The following OSBPL9 variants were observed in gnomAD, a reference collection of about 807,000 sequenced individuals.
OSBPL9 encodes the protein oxysterol-binding protein-related protein 9.
In OSBPL9, 40 loss-of-function variants were observed where a neutral mutation model predicts 106.6. The ratio of observed to expected loss-of-function variants is 0.38; its 90% CI spans 0.29 to 0.49. The LOEUF (loss-of-function observed/expected upper bound fraction) is 0.49. Among genes scored for constraint, OSBPL9 ranks in the 20% least tolerant of loss-of-function variants. The pLI is 0.97. For synonymous variants in OSBPL9, 269 were observed against 295.4 expected, an observed-to-expected ratio of 0.91 and a Z score of 0.92; for missense variants, 609 against 887.2, an observed-to-expected ratio of 0.69 and a Z score of 3.98.
At position 51,772,499 on chromosome 1, in the gene OSBPL9, GA is replaced by G. The variant is rs542891350; in HGVS notation, c.1052-104del. The G allele has an allele frequency of 3.1e-5, 30 of 955,078 alleles. No homozygotes were observed. The African/African-American group carries it at 3.8e-4, about 12-fold the overall frequency. The allele number at this position is 955,078 out of a possible 1,614,324, so 59.2% of individuals were successfully genotyped here. ...CCATTGCACTCCAGCCTGGGCGAAA[GA>G]ATGAGACTCCATCTCAAACAAACAA... On this transcript the variant is annotated intron_variant, in intron 13 of 23. Coordinates refer to ENST00000428468, the MANE Select transcript of OSBPL9 (RefSeq NM_024586.6).
chr1:51,742,712 G>C (rs1047589409), intron 4 of OSBPL9, among the ~76,000 whole-genome samples: 1 of 151,842 alleles, frequency 6.6e-6, no homozygotes, highest in Non-Finnish European at 1.5e-5. Flanking sequence ...CTCCAGCCTG[G>C]GTGACAGAGC....
At chr1:51,764,055 A>C (rs1672072284) in intron 11 of OSBPL9, among the ~76,000 whole-genome samples, 1 of 152,188 alleles carries the variant, frequency 6.6e-6, no homozygotes, top group East Asian at 1.9e-4. Flanking sequence ...GAAAAATTTA[A>C]AATTAAATTC....
intron 2 of OSBPL9, among the ~76,000 whole-genome samples, chr1:51,604,105 C>T (rs1167689639): frequency 6.6e-6 from 1 of 152,162 alleles, no homozygotes; most frequent in Non-Finnish European, 1.5e-5. Context: ...AGAAAGAAAA[C>T]CAAAATCTTC....
intron 3 of OSBPL9, among the ~76,000 whole-genome samples, chr1:51,701,994 T>C (rs1175496968): frequency 1.3e-5 from 2 of 152,250 alleles, no homozygotes; most frequent in Non-Finnish European, 1.5e-5. Flanking sequence ...TTTTTATGGC[T>C]GCATAGTATT....
intron 1 of OSBPL9, among the ~76,000 whole-genome samples, chr1:51,634,086 T>C (rs964349092): frequency 1.3e-5 from 2 of 152,256 alleles, no homozygotes; most frequent in African/African-American, 4.8e-5. Flanking sequence ...TGGGTCTAGC[T>C]GTTGTTCTTG....
chr1:51,665,898 A>C (rs1199908193), intron 2 of OSBPL9, among the ~76,000 whole-genome samples: 1 of 152,152 alleles, frequency 6.6e-6, no homozygotes, highest in Non-Finnish European at 1.5e-5. Context: ...TCTGTCACCC[A>C]GGCTGGAGTG....
At chr1:51,580,935 TATATATATATATATATATA>T (rs1462525412) in intron 1 of OSBPL9, among the ~76,000 whole-genome samples, 854 of 1,786 alleles carry the variant, frequency 0.48, 155 homozygotes, top group African/African-American at 0.52. Context: ...TATATATATA[TATATATATATATATATATA>T]ACTTTTTTGA....
At chr1:51,664,744 T>C (rs1410454783) in intron 2 of OSBPL9, among the ~76,000 whole-genome samples, 1 of 152,116 alleles carries the variant, frequency 6.6e-6, no homozygotes, top group African/African-American at 2.4e-5. Flanking sequence ...CTAATTGTTA[T>C]ATTAGAACTA....
intron 1 of OSBPL9, among the ~76,000 whole-genome samples, chr1:51,637,715 C>T (rs1326434323): frequency 6.6e-6 from 1 of 152,130 alleles, no homozygotes; most frequent in Non-Finnish European, 1.5e-5. Context: ...TAATTCACAA[C>T]AAGAAATATA....
intron 3 of OSBPL9, among the ~76,000 whole-genome samples, chr1:51,687,227 G>A (rs1247004324): frequency 6.6e-6 from 1 of 152,198 alleles, no homozygotes; most frequent in Non-Finnish European, 1.5e-5. Flanking sequence ...AACTGATGGA[G>A]TGCTATTCAG....
At chr1:51,731,180 A>T (rs1477190332) in intron 4 of OSBPL9, among the ~76,000 whole-genome samples, 2 of 152,092 alleles carry the variant, frequency 1.3e-5, no homozygotes, top group African/African-American at 2.4e-5. Flanking sequence ...CTCAGACTGC[A>T]ATCCCAACAC....
intron 3 of OSBPL9, chr1:51,709,195 A>C: frequency 5.5e-6 from 1 of 181,076 alleles, no homozygotes; most frequent in Non-Finnish European, 1.2e-5. Context: ...GCCAGTAAGC[A>C]GATTGTGGCG....
chr1:51,707,036 T>G (rs1658697443), intron 3 of OSBPL9: 2 of 186,106 alleles, frequency 1.1e-5, no homozygotes, highest in Non-Finnish European at 2.3e-5. Context: ...CATGTCTGTT[T>G]ATTCTGTTAG....
chr1:51,634,342 C>T (rs866467433), intron 1 of OSBPL9, among the ~76,000 whole-genome samples: 88 of 152,260 alleles, frequency 5.8e-4, no homozygotes, highest in African/African-American at 2.1e-3. Flanking sequence ...GTTTAACACT[C>T]CCTCATTATT....
chr1:51,635,403 T>C (rs1487068498), intron 1 of OSBPL9, among the ~76,000 whole-genome samples: 3 of 152,192 alleles, frequency 2.0e-5, no homozygotes, highest in Admixed American at 6.5e-5. Flanking sequence ...ACCTCGCTGT[T>C]ACTCCACTAA....
chr1:51,677,906 G>A (rs1319694049), intron 3 of OSBPL9, among the ~76,000 whole-genome samples: 1 of 151,934 alleles, frequency 6.6e-6, no homozygotes, highest in Non-Finnish European at 1.5e-5. Context: ...GGGCACAGCG[G>A]CTCACACCCG....
At chr1:51,577,476 T>C (rs564963522) in intron 1 of OSBPL9, among the ~76,000 whole-genome samples, 6 of 152,086 alleles carry the variant, frequency 3.9e-5, no homozygotes, top group Admixed American at 3.9e-4. Context: ...GGTTTCATCG[T>C]GTTAGCCAGG....
chr1:51,537,043 G>A, the OSBPL9 span, among the ~76,000 whole-genome samples: 1 of 152,150 alleles, frequency 6.6e-6, no homozygotes, highest in Non-Finnish European at 1.5e-5. Context: ...GATAATTCTT[G>A]TCTGAATCAA....
intron 2 of OSBPL9, among the ~76,000 whole-genome samples, chr1:51,654,682 T>TA (rs1269637662): frequency 2.0e-5 from 3 of 152,084 alleles, no homozygotes; most frequent in South Asian, 2.1e-4. Context: ...GATGAATGGA[T>TA]AAAAAATGTG....
Sources: allele counts gnomAD v4.1 joint callset (sites outside exome capture counted in the v4.1 genomes callset), GRCh38; gene constraint gnomAD v4.1.1; transcripts MANE v1.5; gene names NCBI Gene and HGNC (gene_info 2026-07-23, HGNC 2026-07-21).